Variants in EML6 observed in about 807,000 individuals in gnomAD.
EML6 encodes the protein EMAP like 6, also known as echinoderm microtubule-associated protein-like 6.
Under a neutral mutation model 240.1 loss-of-function variants are expected in EML6, and 154 were observed. The observed-to-expected ratio is 0.64, with a 90% confidence interval of 0.56 to 0.73. The LOEUF is 0.73. Among genes scored for constraint, EML6 ranks in the 30% least tolerant of loss-of-function variants. The pLI is 0.00. For missense variants in EML6, 2,964 were observed against 2,474.6 expected (o/e 1.20, Z -4.20); for synonymous variants, 1,148 against 899.0 (o/e 1.28, Z -4.95).
At chr2:54,945,739 G>C (rs1275092210) in intron 28 of EML6, among the ~76,000 whole-genome samples, 1 of 152,246 alleles carries the variant, frequency 6.6e-6, no homozygotes, top group African/African-American at 2.4e-5. Context: ...GGGGAAAGGA[G>C]GGACAAGTAC....
At chr2:54,738,216 T>G (rs189708477) in intron 2 of EML6, among the ~76,000 whole-genome samples, 38 of 152,320 alleles carry the variant, frequency 2.5e-4, no homozygotes, top group African/African-American at 8.7e-4. Flanking sequence ...GTTCTCATAA[T>G]GGAGCCTGGC....
chr2:54,859,709 C>G lies in EML6; in HGVS notation c.1825+8C>G. 1 of 1,523,342 alleles carries G rather than the reference C, an allele frequency of 6.6e-7. No homozygotes were observed. The highest frequency in any genetic ancestry group is 8.8e-7 in the Non-Finnish European group (1 of 1,136,954). 94.4% of individuals were successfully genotyped at this position (1,523,342 alleles called of 1,614,324 possible). A position where few individuals can be genotyped will look rare whatever the true frequency, so the allele number is the denominator to read the frequency against. ...TGGAAACTGCACCCCAAGGTAAACC[C>G]AGCAATAATTTCTTAACATCATTTT... On this transcript the variant is annotated splice_region_variant and intron_variant, in intron 12 of 41. Transcript: ENST00000356458.
intron 29 of EML6, 73 bp downstream of exon 29, chr2:54,949,033 G>T: frequency 8.1e-6 from 9 of 1,115,886 alleles, no homozygotes; most frequent in Non-Finnish European, 9.3e-6. Context: ...CCATCTGCAC[G>T]TCCCAAAGAC....
rs180810986 is a variant in EML6 at position 54,952,616 on chromosome 2, G to A, written c.4236G>A (p.Glu1412=). The change falls in exon 31 of 42, where the codon GAG becomes GAA. Residue 1412 remains glutamate (E), a synonymous_variant. Coordinates refer to ENST00000356458, the MANE Select transcript of EML6 (RefSeq NM_001039753.4). Reference sequence around the variant, plus strand: ...CAGGGAGCCAGAGCTTCTATCTGGAGCACACAGATGACATCCTCTGTCTCA... The same window carrying A: ...CAGGGAGCCAGAGCTTCTATCTGGAACACACAGATGACATCCTCTGTCTCA... ...LSTGSQSFYL[E]HTDDILCLTV... 14,216 of 1,551,028 alleles carry A rather than the reference G, an allele frequency of 9.2e-3. 94 individuals are homozygous for A. Among genetic ancestry groups the A allele is most frequent in the Non-Finnish European group, 0.01 (11,949 of 1,146,654 alleles).
At chr2:54,788,768 C>T (rs556498825) in intron 2 of EML6, among the ~76,000 whole-genome samples, 6 of 152,276 alleles carry the variant, frequency 3.9e-5, no homozygotes, top group African/African-American at 1.4e-4. Context: ...GGGCCAAACT[C>T]TTCAGAACAT....
intron 28 of EML6, among the ~76,000 whole-genome samples, chr2:54,937,760 C>T (rs1364834206): frequency 6.6e-6 from 1 of 151,954 alleles, no homozygotes; most frequent in Non-Finnish European, 1.5e-5. Flanking sequence ...ATGTACACAG[C>T]CATCTTCTAA....
chr2:54,860,958 T>A (rs1359666803), intron 12 of EML6, among the ~76,000 whole-genome samples: 2 of 152,186 alleles, frequency 1.3e-5, no homozygotes, highest in African/African-American at 2.4e-5. Flanking sequence ...AGAACAGAGA[T>A]GTGGTCTTAA....
At chr2:54,798,453 G>GT (rs1558558272) in intron 2 of EML6, among the ~76,000 whole-genome samples, 1 of 152,104 alleles carries the variant, frequency 6.6e-6, no homozygotes, top group Non-Finnish European at 1.5e-5. Context: ...GATTACAGGC[G>GT]TGAGCGACCA....
rs769507291 is a variant in EML6 at position 54,970,080 on chromosome 2, G to A, written c.5862G>A (p.Val1954=). Residue 1954 remains valine, a synonymous_variant, in exon 42 of 42, where the codon GTG becomes GTA. Transcript: ENST00000356458. ...TGATCTGCCTTTTCAGTGTATTTGT[G>A]TGGCGATGTCTGTAAAATGCCAGAA... ...STGGDDCSVF[V]WRCL is the part of the protein sequence containing the mutation. 2.6e-5 allele frequency: 40 copies of A among 1,551,582 alleles called. No homozygotes were observed. Among genetic ancestry groups the A allele is most frequent in the Admixed American group, 2.2e-4 (11 of 50,974 alleles).
rs1674697343 is a variant in EML6 at position 54,928,738 on chromosome 2, T to G, written c.3991T>G (p.Ser1331Ala). 3.2e-6 allele frequency: 5 copies of G among 1,551,830 alleles called. No homozygotes were observed. Among genetic ancestry groups the G allele is most frequent in the East Asian group, 2.4e-5 (1 of 40,918 alleles). ...TKPHQQLKEV[S>A]VEERPPVSRA... ...GCCACACCAGCAGCTGAAGGAAGTT[T>G]CCGTGGAAGAAAGGTATGGTGTTGC... is the stretch of plus-strand genomic sequence containing the variant. Residue 1331 changes from serine to alanine, a missense_variant, in exon 28 of 42, where the codon TCC becomes GCC. Physicochemically the swap from Ser to Ala is moderately conservative, Grantham distance 99. Coordinates refer to ENST00000356458, the MANE Select transcript of EML6 (RefSeq NM_001039753.4).
In EML6 at chr2:54,882,757, C is replaced by G. The variant is rs559009918; in HGVS notation, c.2438+3117C>G. On this transcript the variant is annotated intron_variant, in intron 17 of 41. Transcript: ENST00000356458. ...CCTGTAGTCCCAGCTACTTGGGAGGCTGAGGCAGGAGAACGGCGTGAACCC... is the reference window on the plus strand; with the variant it reads ...CCTGTAGTCCCAGCTACTTGGGAGGGTGAGGCAGGAGAACGGCGTGAACCC... 1.1e-3 allele frequency: 163 copies of G among 149,914 alleles called. 2 individuals are homozygous for G. The highest frequency in any genetic ancestry group is 3.8e-3 in the African/African-American group (155 of 40,634). The allele number at this position is 149,914 out of a possible 1,614,324, so 9.3% of individuals were successfully genotyped here. A position where few individuals can be genotyped will look rare whatever the true frequency, so the allele number is the denominator to read the frequency against.
chr2:54,954,630 T>C (rs1027879124), intron 32 of EML6, among the ~76,000 whole-genome samples: 1 of 152,192 alleles, frequency 6.6e-6, no homozygotes, highest in African/African-American at 2.4e-5. Flanking sequence ...TTTAACACTT[T>C]TGAAATAGGG....
At chr2:54,914,002 A>C (rs1283420202) in intron 25 of EML6, among the ~76,000 whole-genome samples, 1 of 152,046 alleles carries the variant, frequency 6.6e-6, no homozygotes, top group Non-Finnish European at 1.5e-5. Flanking sequence ...TCTCTATTCC[A>C]TTGGCCTATA....
intron 26 of EML6, among the ~76,000 whole-genome samples, chr2:54,920,737 G>A (rs1674201930): frequency 6.6e-6 from 1 of 152,124 alleles, no homozygotes. Flanking sequence ...TATGCCTGAT[G>A]AATATAGGTG....
chr2:54,960,153 G>A lies in EML6; in HGVS notation c.4854-67G>A. 3.5e-6 allele frequency: 4 copies of A among 1,156,052 alleles called. 1 individual carries two copies. Among genetic ancestry groups the A allele is most frequent in the Non-Finnish European group, 2.5e-6 (2 of 793,186 alleles). The allele number at this position is 1,156,052 out of a possible 1,614,324, so 71.6% of individuals were successfully genotyped here. A position where few individuals can be genotyped will look rare whatever the true frequency, so the allele number is the denominator to read the frequency against. On this transcript the variant is annotated intron_variant, in intron 34 of 41. Transcript: ENST00000356458. ...CCTGATGACTGGGAAAGAGGGGAGA[G>A]GGCCGGAGGGGGTAGTGGGTCTTAG...
intron 2 of EML6, among the ~76,000 whole-genome samples, chr2:54,793,926 G>GAA (rs1382478542): frequency 6.6e-6 from 1 of 152,192 alleles, no homozygotes; most frequent in Non-Finnish European, 1.5e-5. Context: ...TTCTCAAAGA[G>GAA]AAAGTGTCTA....
intron 28 of EML6, among the ~76,000 whole-genome samples, chr2:54,932,534 T>C (rs902460902): frequency 1.3e-5 from 2 of 152,184 alleles, no homozygotes; most frequent in African/African-American, 4.8e-5. Flanking sequence ...CTCTCAACTT[T>C]TGACCTTATC....
intron 21 of EML6, among the ~76,000 whole-genome samples, chr2:54,897,913 A>G (rs2104170631): frequency 6.6e-6 from 1 of 152,208 alleles, no homozygotes; most frequent in African/African-American, 2.4e-5. Context: ...AGGGAAAGTG[A>G]AGGAACTGTA....
chr2:54,874,579 T>C (rs377705051), intron 16 of EML6, among the ~76,000 whole-genome samples: 1 of 152,242 alleles, frequency 6.6e-6, no homozygotes, highest in African/African-American at 2.4e-5. Flanking sequence ...TATGTCAATA[T>C]ATAAATGGTA....
Sources: gnomAD v4.1 joint callset for allele counts (sites outside exome capture counted in the v4.1 genomes callset) on GRCh38, gnomAD v4.1.1 for gene constraint, MANE v1.5 for transcripts, NCBI Gene and HGNC (gene_info 2026-07-23, HGNC 2026-07-21) for gene names.